The following RAD52 variants were observed in gnomAD, a reference collection of about 807,000 sequenced individuals.
RAD52 encodes the protein DNA repair protein RAD52 homolog.
A neutral mutation model predicts 55.5 loss-of-function variants in RAD52; 47 were observed. That is an observed-to-expected ratio of 0.85 (90% CI 0.67 to 1.08). The LOEUF (loss-of-function observed/expected upper bound fraction) is 1.08, where lower values mean the gene tolerates loss of function less well. Among genes scored for constraint, RAD52 ranks in the 50% least tolerant of loss-of-function variants. RAD52 has a pLI of 0.00. For synonymous variants in RAD52, 184 were observed against 198.9 expected, an observed-to-expected ratio of 0.92 and a Z score of 0.63; for missense variants, 468 against 522.8, an observed-to-expected ratio of 0.90 and a Z score of 1.02.
chr12:977,697 G>A (rs184685588), intron 1 of RAD52, among the ~76,000 whole-genome samples: 185 of 152,332 alleles, frequency 1.2e-3, no homozygotes, highest in African/African-American at 3.8e-3. Flanking sequence ...AGACAATAGC[G>A]TGTGTTATCA....
At chr12:973,378 A>T (rs1458850240) in intron 1 of RAD52, among the ~76,000 whole-genome samples, 1 of 152,074 alleles carries the variant, frequency 6.6e-6, no homozygotes, top group Non-Finnish European at 1.5e-5. Context: ...CAGAAATTTT[A>T]AATAATACAG....
intron 9 of RAD52, 52 bp from the exon 10 acceptor site, chr12:914,584 G>A: frequency 1.9e-6 from 3 of 1,603,892 alleles, no homozygotes; most frequent in African/African-American, 1.3e-5. Flanking sequence ...TCACTGCATG[G>A]GATTTCAGAG....
intron 1 of RAD52, among the ~76,000 whole-genome samples, chr12:935,612 G>A (rs894774106): frequency 4.6e-5 from 7 of 151,624 alleles, no homozygotes; most frequent in African/African-American, 1.5e-4. Flanking sequence ...CCAACACTTC[G>A]GGAGGCTGAG....
At chr12:943,086 A>C (rs529838377) in intron 1 of RAD52, among the ~76,000 whole-genome samples, 59 of 152,218 alleles carry the variant, frequency 3.9e-4, no homozygotes, top group Non-Finnish European at 6.3e-4. Context: ...AAAAGTGCTA[A>C]ACACCATTAG....
rs188004816 is a variant in RAD52 at position 965,036 on chromosome 12, A to G, written c.-19+24773T>C. ...ACTCTCTTGCCTAGGCTGGAGTGCA[A>G]TGGCGCCATCTTGGCTCACTGCAAC... is the stretch of plus-strand genomic sequence containing the variant. On this transcript the variant is annotated intron_variant, in intron 1 of 11. Coordinates refer to the RAD52 transcript ENST00000430095. Among the ~76,000 whole-genome samples the G allele has an allele frequency of 2.8e-4, 43 of 151,068 alleles. No homozygotes were observed. In the East Asian group the frequency reaches 7.6e-3, roughly 27 times the overall value.
intron 1 of RAD52, among the ~76,000 whole-genome samples, chr12:971,482 G>T (rs967081756): frequency 2.6e-5 from 4 of 152,038 alleles, no homozygotes; most frequent in African/African-American, 4.8e-5. Context: ...GTTCACCTTT[G>T]GTTACAGGCA....
At chr12:929,926 C>T (rs1443639023) in intron 4 of RAD52, 40 bp from the exon 5 acceptor site, 1 of 1,591,498 alleles carries the variant, frequency 6.3e-7, no homozygotes, top group Admixed American at 1.7e-5. Context: ...AGGACACTGA[C>T]CGCTGGGCCA....
chr12:986,280 C>T (rs888874861), intron 1 of RAD52, among the ~76,000 whole-genome samples: 2 of 151,826 alleles, frequency 1.3e-5, no homozygotes, highest in South Asian at 4.2e-4. Context: ...CCCAGGTTGG[C>T]TTTGAACTCC....
intron 7 of RAD52, among the ~76,000 whole-genome samples, chr12:922,089 AGT>A (rs1318331713): frequency 1.1e-4 from 16 of 150,126 alleles, no homozygotes; most frequent in African/African-American, 3.7e-4. Flanking sequence ...TGGGTAACAG[AGT>A]GAGATTCTGT....
chr12:982,022 T>A (rs1464599503), intron 1 of RAD52, among the ~76,000 whole-genome samples: 1 of 152,118 alleles, frequency 6.6e-6, no homozygotes, highest in Non-Finnish European at 1.5e-5. Context: ...TGAGGAGACA[T>A]CTTAGCTCCC....
intron 1 of RAD52, among the ~76,000 whole-genome samples, chr12:983,410 ATTTTTTTTTTTTT>A (rs58498697): frequency 3.3e-5 from 4 of 121,532 alleles, no homozygotes; most frequent in African/African-American, 9.8e-5. Context: ...TTTCCTGAAG[ATTTTTTTTTTTTT>A]TTTTTTTTTT....
At chr12:927,667 A>G (rs1282538770) in intron 5 of RAD52, among the ~76,000 whole-genome samples, 2 of 152,216 alleles carry the variant, frequency 1.3e-5, no homozygotes, top group Non-Finnish European at 2.9e-5. Flanking sequence ...GGAGTTCAAG[A>G]CCAGCCTGGT....
At chr12:918,260 T>G (rs1956516861) in intron 7 of RAD52, among the ~76,000 whole-genome samples, 4 of 152,166 alleles carry the variant, frequency 2.6e-5, no homozygotes, top group Non-Finnish European at 2.9e-5. Flanking sequence ...AAAAGAAAAT[T>G]ATACAGCAAT....
intron 6 of RAD52, 83 bp from the exon 7 acceptor site, chr12:925,608 C>T: frequency 1.7e-6 from 2 of 1,160,144 alleles, no homozygotes; most frequent in South Asian, 1.2e-5. Context: ...AACTTTTGTA[C>T]AGGTTGCTTC....
chr12:938,387 TAA>T (rs1336094319), intron 1 of RAD52, among the ~76,000 whole-genome samples: 1 of 152,188 alleles, frequency 6.6e-6, no homozygotes, highest in Non-Finnish European at 1.5e-5. Context: ...TCTTTTATGT[TAA>T]AAGAGGCTTA....
At chr12:986,764 T>A (rs1372593013) in intron 1 of RAD52, among the ~76,000 whole-genome samples, 1 of 147,202 alleles carries the variant, frequency 6.8e-6, no homozygotes, top group Non-Finnish European at 1.5e-5. Context: ...TTTTTTTTTA[T>A]CATAGTAACT....
At chr12:939,052 T>TTTTGTGTGTGTGTG (rs371663718) in intron 1 of RAD52, among the ~76,000 whole-genome samples, 1 of 141,050 alleles carries the variant, frequency 7.1e-6, no homozygotes, top group African/African-American at 2.7e-5. Flanking sequence ...ATTCAACTAA[T>TTTTGTGTGTGTGTG]TGTGTGTGTG....
rs866149095 is a variant in RAD52, at chr12:971,417, G to A, written c.-19+18392C>T. ...CTTAGAATCGTGAACTGGGGAGGCA[G>A]GTATTGCACTTAACGGAGGAAAATA... On this transcript the variant is annotated intron_variant, in intron 1 of 11. Coordinates refer to the RAD52 transcript ENST00000430095. 2.8e-4 allele frequency among the ~76,000 whole-genome samples: 42 copies of A among 152,196 alleles called. 1 individual carries two copies. The highest frequency in any genetic ancestry group is 1.2e-3 in the Admixed American group (18 of 15,280).
At chr12:925,785 T>C (rs1258188658) in intron 6 of RAD52, among the ~76,000 whole-genome samples, 1 of 152,072 alleles carries the variant, frequency 6.6e-6, no homozygotes, top group Non-Finnish European at 1.5e-5. Flanking sequence ...TACGGCGCCA[T>C]TCACAAAACC....
Sources: gnomAD v4.1 joint callset for allele counts (sites outside exome capture counted in the v4.1 genomes callset) on GRCh38, gnomAD v4.1.1 for gene constraint, MANE v1.5 for transcripts, NCBI Gene and HGNC (gene_info 2026-07-23, HGNC 2026-07-21) for gene names.